Variants in TMEM184B observed in about 807,000 individuals in gnomAD.
The protein encoded by TMEM184B is putative MAPK-activating protein FM08.
TMEM184B carries 17 observed loss-of-function variants against 41.8 expected under a neutral mutation model. That is an observed-to-expected ratio of 0.41 (90% CI 0.28 to 0.61). TMEM184B has a LOEUF of 0.61. Ranked by LOEUF, TMEM184B falls within the 20% of genes least tolerant of loss-of-function variation. TMEM184B has a pLI of 0.34. For synonymous variants in TMEM184B, 240 were observed against 229.5 expected (o/e 1.05, Z -0.41); for missense variants, 393 against 557.8 (o/e 0.70, Z 2.98).
intron 1 of TMEM184B, among the ~76,000 whole-genome samples, chr22:38,265,108 CTAGG>C (rs2092425226): frequency 6.6e-6 from 1 of 152,218 alleles, no homozygotes; most frequent in Non-Finnish European, 1.5e-5. Context: ...GGAGATGAGG[CTAGG>C]ACCCCACATG....
intron 1 of TMEM184B, among the ~76,000 whole-genome samples, chr22:38,250,587 A>G (rs2092140704): frequency 6.6e-6 from 1 of 152,274 alleles, no homozygotes; most frequent in South Asian, 2.1e-4. Flanking sequence ...GTTGTAAATC[A>G]TCATCTTTGT....
At chr22:38,246,915 A>C in intron 2 of TMEM184B, 13 of 1,280,454 alleles carry the variant, frequency 1.0e-5, no homozygotes, top group Non-Finnish European at 1.2e-5. Flanking sequence ...AATATTCTCC[A>C]TCTGCTATGA....
chr22:38,245,170 G>T (rs908914249), intron 3 of TMEM184B, among the ~76,000 whole-genome samples: 12 of 152,198 alleles, frequency 7.9e-5, no homozygotes, highest in Non-Finnish European at 5.9e-5. Context: ...CCACTGACTT[G>T]CCAGGGATCC....
intron 5 of TMEM184B, among the ~76,000 whole-genome samples, chr22:38,229,584 GGA>G (rs2091552792): frequency 6.6e-6 from 1 of 151,528 alleles, no homozygotes; most frequent in Non-Finnish European, 1.5e-5. Flanking sequence ...TAGACCACAG[GGA>G]GGTCAGCCCA....
chr22:38,237,226 T>C (rs1010814372), intron 3 of TMEM184B, among the ~76,000 whole-genome samples: 2 of 152,114 alleles, frequency 1.3e-5, no homozygotes, highest in Non-Finnish European at 2.9e-5. Context: ...CGCTTACAGA[T>C]AAGGAAATTC....
chr22:38,226,934 CCT>C lies in TMEM184B; in HGVS notation c.526-66_526-65del. On this transcript the variant is annotated intron_variant, in intron 5 of 8. Coordinates refer to ENST00000361906, the MANE Select transcript of TMEM184B (RefSeq NM_012264.5). The surrounding 1 kb of genome is among the most constrained non-coding windows in gnomAD (Gnocchi z 4.6). ...CACAGAAGGCATGAAGCAAGCCCTGCCTCTGGCAGACGGAACTGTACCGGATG... is the reference window on the plus strand; with the variant it reads ...CACAGAAGGCATGAAGCAAGCCCTGCCTGGCAGACGGAACTGTACCGGATG... 6.7e-7 allele frequency: 1 copy of C among 1,498,166 alleles called. No individual in the cohort carries two copies. Among genetic ancestry groups the C allele is most frequent in the Non-Finnish European group, 9.1e-7 (1 of 1,099,668 alleles). The allele number at this position is 1,498,166 out of a possible 1,614,324, so 92.8% of individuals were successfully genotyped here. A position where few individuals can be genotyped will look rare whatever the true frequency, so the allele number is the denominator to read the frequency against.
At chr22:38,217,566 C>T (rs192929463), downstream of TMEM184B, among the ~76,000 whole-genome samples, 294 of 151,978 alleles carry the variant, frequency 1.9e-3, 3 homozygotes, top group East Asian at 0.039. Flanking sequence ...GGTGTGAAGC[C>T]GGGAGGCGGA....
At chr22:38,246,582 C>T (rs773632227) in intron 2 of TMEM184B, 4 of 292,322 alleles carry the variant, frequency 1.4e-5, no homozygotes, top group African/African-American at 6.6e-5. Context: ...GCAAGACAGA[C>T]GCAGCCCTCA....
At position 38,220,111 on chromosome 22, in the gene TMEM184B, T is replaced by C. The variant is rs879776425; in HGVS notation, c.*1358A>G. On this transcript the variant is annotated 3_prime_UTR_variant, in exon 9 of 9. Coordinates refer to ENST00000361906, the MANE Select transcript of TMEM184B (RefSeq NM_012264.5). ...TCTGGGTTTTAAATGCCAGGACACT[T>C]TGCCTGTAGGGACACGTGTTGTGAC... 1 of 985,278 alleles carries C rather than the reference T, an allele frequency of 1.0e-6. No individual in the cohort carries two copies. The highest frequency in any genetic ancestry group is 1.2e-6 in the Non-Finnish European group (1 of 829,958). 61.0% of individuals were successfully genotyped at this position (985,278 alleles called of 1,614,324 possible).
chr22:38,236,011 A>G (rs1019648666), intron 3 of TMEM184B, among the ~76,000 whole-genome samples: 2 of 152,164 alleles, frequency 1.3e-5, no homozygotes, highest in East Asian at 1.9e-4. Flanking sequence ...GCTCTGTGCT[A>G]AGCCCTCTCA....
intron 1 of TMEM184B, among the ~76,000 whole-genome samples, chr22:38,257,039 T>C (rs1238420536): frequency 2.0e-5 from 3 of 147,330 alleles, no homozygotes; most frequent in African/African-American, 7.6e-5. Flanking sequence ...TGGAGTGCAA[T>C]GGCGCGATCT....
chr22:38,266,187 C>T (rs1185057846), intron 1 of TMEM184B, among the ~76,000 whole-genome samples: 1 of 152,186 alleles, frequency 6.6e-6, no homozygotes, highest in Non-Finnish European at 1.5e-5. Flanking sequence ...TCCTGGCTTC[C>T]CAGAGAGGAG....
At position 38,254,810 on chromosome 22, in the gene TMEM184B, T is replaced by C. The variant is rs939782539; in HGVS notation, c.-58-6791A>G. 6.0e-5 allele frequency among the ~76,000 whole-genome samples: 9 copies of C among 151,158 alleles called. No individual in the cohort carries two copies. The South Asian group carries it at 1.7e-3, about 28-fold the overall frequency. On this transcript the variant is annotated intron_variant, in intron 1 of 8. Transcript: ENST00000361906. Reference sequence around the variant, plus strand: ...CTCCCACACATTGCTGGTGGGAAGATAAAATGGTGCAGCCACCATGGAAAA... The same window carrying C: ...CTCCCACACATTGCTGGTGGGAAGACAAAATGGTGCAGCCACCATGGAAAA...
chr22:38,270,117 C>A (rs921338229), intron 1 of TMEM184B, among the ~76,000 whole-genome samples: 8 of 152,208 alleles, frequency 5.3e-5, no homozygotes, highest in Non-Finnish European at 7.3e-5. Context: ...GTTCAAGCCT[C>A]TGCGTCTGAG....
chr22:38,252,999 G>C (rs188048355), intron 1 of TMEM184B, among the ~76,000 whole-genome samples: 1 of 151,828 alleles, frequency 6.6e-6, no homozygotes, highest in African/African-American at 2.4e-5. Context: ...AAAATTAGCC[G>C]GGCCTGGTGG....
chr22:38,230,255 A>C (rs184798942), intron 5 of TMEM184B, among the ~76,000 whole-genome samples: 6 of 152,350 alleles, frequency 3.9e-5, no homozygotes, highest in Non-Finnish European at 7.3e-5. Flanking sequence ...GCCAACCAGG[A>C]AATGCAGGGA....
At chr22:38,251,919 G>A in intron 1 of TMEM184B, among the ~76,000 whole-genome samples, 1 of 143,956 alleles carries the variant, frequency 6.9e-6, no homozygotes, top group African/African-American at 2.7e-5. Flanking sequence ...TTTGAGACAA[G>A]AGTCTTGCTC....
Position 38,221,405 on chromosome 22 carries a change from C to A in TMEM184B, c.*64G>T. 6.5e-7 allele frequency: 1 copy of A among 1,532,006 alleles called. No homozygotes were observed. Among genetic ancestry groups the A allele is most frequent in the Admixed American group, 2.0e-5 (1 of 51,098 alleles). The allele number at this position is 1,532,006 out of a possible 1,614,324, so 94.9% of individuals were successfully genotyped here. ...GCTGCCTCCTGGCCTGGTGGTGAGG[C>A]TGGAGGTGGGGCACAGCCTGACCGT... On this transcript the variant is annotated 3_prime_UTR_variant, in exon 9 of 9. Transcript: ENST00000361906.
chr22:38,241,902 A>AAAAAAAAAAAAAAAAAAAAAC (rs2091917628), intron 3 of TMEM184B, among the ~76,000 whole-genome samples: 2 of 150,120 alleles, frequency 1.3e-5, no homozygotes, highest in Admixed American at 6.6e-5. Flanking sequence ...AAAAAAAAAA[A>AAAAAAAAAAAAAAAAAAAAAC]AAAAAGAACG....
Sources: allele counts gnomAD v4.1 joint callset (sites outside exome capture counted in the v4.1 genomes callset), GRCh38; gene constraint gnomAD v4.1.1; non-coding constraint Gnocchi (gnomAD v3.1); transcripts MANE v1.5; gene names NCBI Gene and HGNC (gene_info 2026-07-23, HGNC 2026-07-21).